RSRC1: variants seen among roughly 807,000 people sequenced by gnomAD.
RSRC1 encodes the protein arginine and serine rich coiled-coil 1.
Under a neutral mutation model 49.1 loss-of-function variants are expected in RSRC1, and 39 were observed. The ratio of observed to expected loss-of-function variants is 0.79; its 90% CI spans 0.61 to 1.04. The LOEUF (loss-of-function observed/expected upper bound fraction) is 1.04. Ranked by LOEUF, RSRC1 falls within the 50% of genes least tolerant of loss-of-function variation. RSRC1 has a pLI of 0.00. For missense variants in RSRC1, 388 were observed against 402.4 expected, an observed-to-expected ratio of 0.96 and a Z score of 0.31; for synonymous variants, 143 against 130.8, an observed-to-expected ratio of 1.09 and a Z score of -0.63.
chr3:158,365,175 G>A (rs1731693549), intron 6 of RSRC1, among the ~76,000 whole-genome samples: 1 of 152,090 alleles, frequency 6.6e-6, no homozygotes. Context: ...TATACTTTAA[G>A]TTCTGGGATA....
At chr3:158,537,260 T>C (rs772084836) in intron 8 of RSRC1, 62 bp downstream of exon 8, 34 of 949,252 alleles carry the variant, frequency 3.6e-5, no homozygotes, top group Admixed American at 1.4e-4. Context: ...GATGCTTTAT[T>C]AATGGATTTT....
At chr3:158,392,754 G>A (rs182502296) in intron 6 of RSRC1, among the ~76,000 whole-genome samples, 103 of 152,050 alleles carry the variant, frequency 6.8e-4, no homozygotes, top group African/African-American at 2.2e-3. Context: ...CTTGCTTGAC[G>A]TTACTGGACA....
chr3:158,305,031 C>G (rs1727760740), intron 5 of RSRC1, among the ~76,000 whole-genome samples: 1 of 152,214 alleles, frequency 6.6e-6, no homozygotes, highest in African/African-American at 2.4e-5. Flanking sequence ...AGTGCCATGT[C>G]AAGTGATCCG....
At chr3:158,218,447 G>C (rs921853048) in intron 4 of RSRC1, among the ~76,000 whole-genome samples, 2 of 151,588 alleles carry the variant, frequency 1.3e-5, no homozygotes, top group Admixed American at 1.3e-4. Context: ...AGATGTTAAG[G>C]ATAACCATTA....
At chr3:158,328,165 A>T (rs555699303) in intron 5 of RSRC1, among the ~76,000 whole-genome samples, 254 of 152,212 alleles carry the variant, frequency 1.7e-3, no homozygotes, top group African/African-American at 6.0e-3. Context: ...CAGCACACTG[A>T]TGGGTCTTGA....
rs551541836 is a variant in RSRC1 at position 158,130,130 on chromosome 3, GTCT to G, written c.320+6147_320+6149del. ...CCCTCTTTTAGGTTGACAGATGGCT[GTCT>G]TCTTCTTGTGTCCCATGTTACATTT... is the stretch of plus-strand genomic sequence containing the variant. On this transcript the variant is annotated intron_variant, in intron 3 of 9. Transcript: ENST00000611884. Among the ~76,000 whole-genome samples, 8 of 152,238 alleles carry G rather than the reference GTCT, an allele frequency of 5.3e-5. No homozygotes were observed. The South Asian group carries it at 1.7e-3, about 32-fold the overall frequency.
At chr3:158,218,301 A>G (rs994943838) in intron 4 of RSRC1, among the ~76,000 whole-genome samples, 4 of 151,698 alleles carry the variant, frequency 2.6e-5, no homozygotes, top group South Asian at 2.1e-4. Flanking sequence ...GAGAAACCAG[A>G]TAAGTAGCAC....
chr3:158,246,286 T>C (rs1344411328), intron 4 of RSRC1, among the ~76,000 whole-genome samples: 2 of 151,630 alleles, frequency 1.3e-5, no homozygotes, highest in Non-Finnish European at 2.9e-5. Flanking sequence ...TTAGGAGATA[T>C]ACCTAATGTT....
At chr3:158,278,513 CTGACTCCTCAAATAAACAACTGAGCAG>C (rs1344862883) in intron 4 of RSRC1, among the ~76,000 whole-genome samples, 1 of 152,222 alleles carries the variant, frequency 6.6e-6, no homozygotes, top group African/African-American at 2.4e-5. Flanking sequence ...ACACTCAGCA[CTGACTCCTCAAATAAACAACTGAGCAG>C]TATCTCTGAC....
chr3:158,379,443 GC>G (rs1177764304), intron 6 of RSRC1, among the ~76,000 whole-genome samples: 3 of 151,842 alleles, frequency 2.0e-5, no homozygotes, highest in Non-Finnish European at 2.9e-5. Context: ...CTCGTGATCC[GC>G]CTGCCTTGGC....
At chr3:158,263,827 G>A (rs1231932177) in intron 4 of RSRC1, among the ~76,000 whole-genome samples, 1 of 152,116 alleles carries the variant, frequency 6.6e-6, no homozygotes, top group African/African-American at 2.4e-5. Flanking sequence ...TAAACATAAA[G>A]CTGTTTAGGA....
intron 5 of RSRC1, among the ~76,000 whole-genome samples, chr3:158,351,501 C>T (rs777657900): frequency 5.3e-5 from 8 of 152,122 alleles, no homozygotes; most frequent in Non-Finnish European, 1.0e-4. Flanking sequence ...GAGTTCGTCC[C>T]TGTATTTCAT....
At chr3:158,434,129 C>T (rs952227948) in intron 6 of RSRC1, among the ~76,000 whole-genome samples, 3 of 151,852 alleles carry the variant, frequency 2.0e-5, no homozygotes, top group Admixed American at 6.6e-5. Context: ...TTCCCGATTC[C>T]GAGGCCATTC....
chr3:158,518,144 A>ATT (rs1179259389), intron 7 of RSRC1, among the ~76,000 whole-genome samples: 33 of 70,934 alleles, frequency 4.7e-4, no homozygotes, highest in African/African-American at 2.6e-3. Context: ...ATATATATAT[A>ATT]TATATTTTTT....
chr3:158,422,864 T>A (rs1311196419), intron 6 of RSRC1, among the ~76,000 whole-genome samples: 8 of 151,656 alleles, frequency 5.3e-5, no homozygotes, highest in African/African-American at 1.9e-4. Flanking sequence ...TTTGGCTGCA[T>A]AAATGTCTTC....
intron 7 of RSRC1, among the ~76,000 whole-genome samples, chr3:158,507,371 TAGAAG>T (rs1739907437): frequency 6.6e-6 from 1 of 152,100 alleles, no homozygotes; most frequent in Admixed American, 6.6e-5. Flanking sequence ...TCAGAATAGC[TAGAAG>T]AGAAGAATTC....
chr3:158,372,855 G>C (rs1732157422), intron 6 of RSRC1, among the ~76,000 whole-genome samples: 1 of 151,602 alleles, frequency 6.6e-6, no homozygotes, highest in Admixed American at 6.6e-5. Context: ...CATTTATTCT[G>C]TTTTTTTATT....
intron 4 of RSRC1, among the ~76,000 whole-genome samples, chr3:158,209,624 T>C (rs1214709327): frequency 1.3e-5 from 2 of 152,088 alleles, no homozygotes; most frequent in African/African-American, 2.4e-5. Context: ...TATTATTTCC[T>C]CATTGGATTT....
At chr3:158,400,939 C>T (rs1436604321) in intron 6 of RSRC1, among the ~76,000 whole-genome samples, 2 of 151,960 alleles carry the variant, frequency 1.3e-5, no homozygotes, top group African/African-American at 2.4e-5. Context: ...GTGTCCTATG[C>T]AGCTGTCCAT....
Sources: allele counts gnomAD v4.1 joint callset (sites outside exome capture counted in the v4.1 genomes callset), GRCh38; gene constraint gnomAD v4.1.1; transcripts MANE v1.5; gene names NCBI Gene and HGNC (gene_info 2026-07-23, HGNC 2026-07-21).